The following TSPAN18 variants were observed in gnomAD, a reference collection of about 807,000 sequenced individuals.
TSPAN18 encodes the protein tetraspanin-18.
A neutral mutation model predicts 27.3 loss-of-function variants in TSPAN18; 14 were observed. That is an observed-to-expected ratio of 0.51 (90% CI 0.34 to 0.80). The LOEUF is 0.80. Among genes scored for constraint, TSPAN18 ranks in the 30% least tolerant of loss-of-function variants. The pLI is 0.01. For synonymous variants in TSPAN18, 143 were observed against 136.5 expected, an observed-to-expected ratio of 1.05 and a Z score of -0.33; for missense variants, 268 against 323.9, an observed-to-expected ratio of 0.83 and a Z score of 1.32.
chr11:44,756,606 T>A (rs1855339026), intron 1 of TSPAN18, among the ~76,000 whole-genome samples: 1 of 152,250 alleles, frequency 6.6e-6, no homozygotes, highest in African/African-American at 2.4e-5. Context: ...ACCTCCATTC[T>A]ATTTCTGGTC....
At chr11:44,870,163 A>G (rs1858154029) in intron 3 of TSPAN18, among the ~76,000 whole-genome samples, 1 of 152,244 alleles carries the variant, frequency 6.6e-6, no homozygotes, top group African/African-American at 2.4e-5. Flanking sequence ...GTAAATTTAC[A>G]AAGTTTTGCA....
In TSPAN18 at chr11:44,831,585, C is replaced by T. The variant is rs563456415; in HGVS notation, c.-152-28743C>T. Among the ~76,000 whole-genome samples, 14 of 152,320 alleles carry T rather than the reference C, an allele frequency of 9.2e-5. No homozygotes were observed. The East Asian group carries it at 2.5e-3, about 27-fold the overall frequency. On this transcript the variant is annotated intron_variant, in intron 2 of 9. Transcript: ENST00000520358. ...CCACTCCTAGGTCCTACTGGAGAAG[C>T]TTGGGTTATCAGAGCATTTGGATCA... is the stretch of plus-strand genomic sequence containing the variant.
chr11:44,784,345 C>T (rs1025006100), intron 2 of TSPAN18, among the ~76,000 whole-genome samples: 1 of 152,164 alleles, frequency 6.6e-6, no homozygotes, highest in Non-Finnish European at 1.5e-5. Flanking sequence ...TACAGGCAGG[C>T]TCTCAGCCCT....
intron 3 of TSPAN18, among the ~76,000 whole-genome samples, chr11:44,871,268 G>C (rs76703612): frequency 3.3e-5 from 5 of 152,106 alleles, no homozygotes; most frequent in African/African-American, 4.8e-5. Flanking sequence ...GTGCTAGCAT[G>C]GTAGGGTTCC....
intron 2 of TSPAN18, among the ~76,000 whole-genome samples, chr11:44,769,407 C>T (rs548336587): frequency 3.2e-4 from 49 of 152,274 alleles, no homozygotes; most frequent in Middle Eastern, 3.4e-3. Context: ...ATGATGGCCT[C>T]ACAGAATGAG....
chr11:44,882,587 GACACACACACAC>G lies in TSPAN18; in HGVS notation c.-11+22148_-11+22159del, dbSNP rs748475836. ...TCACCAGGAAATGGTCAGAGAGAGA[GACACACACACAC>G]ACACACACACACACACACACACACA... is the stretch of plus-strand genomic sequence containing the variant. On this transcript the variant is annotated intron_variant, in intron 3 of 9. Transcript: ENST00000520358. Among the ~76,000 whole-genome samples, 445 of 130,862 alleles carry G rather than the reference GACACACACACAC, an allele frequency of 3.4e-3. 3 individuals carry two copies. The highest frequency in any genetic ancestry group is 0.012 in the African/African-American group (417 of 33,540). The allele number at this position is 130,862 out of a possible 152,430, so 85.9% of individuals were successfully genotyped here. A position where few individuals can be genotyped will look rare whatever the true frequency, so the allele number is the denominator to read the frequency against.
intron 2 of TSPAN18, among the ~76,000 whole-genome samples, chr11:44,822,477 G>C (rs1856947216): frequency 6.6e-6 from 1 of 151,938 alleles, no homozygotes; most frequent in African/African-American, 2.4e-5. Flanking sequence ...AAGAAGGAAG[G>C]AGTAAAGAGG....
chr11:44,886,018 G>C lies in TSPAN18; in HGVS notation c.-10-20389G>C, dbSNP rs150296116. The C allele has an allele frequency of 3.3e-5, 5 of 152,602 alleles. No homozygotes were observed. The East Asian group carries it at 7.7e-4, about 24-fold the overall frequency. The allele number at this position is 152,602 out of a possible 1,614,324, so 9.5% of individuals were successfully genotyped here. A position where few individuals can be genotyped will look rare whatever the true frequency, so the allele number is the denominator to read the frequency against. ...TGATGACAGTTCCTGGGCCCTGGGG[G>C]TTGGGGGAAGCCTGCCTTGGAGCTG... On this transcript the variant is annotated intron_variant, in intron 3 of 9. Coordinates refer to ENST00000520358, the MANE Select transcript of TSPAN18 (RefSeq NM_130783.5).
intron 8 of TSPAN18, among the ~76,000 whole-genome samples, chr11:44,924,758 G>C (rs1437914961): frequency 6.7e-6 from 1 of 149,938 alleles, no homozygotes; most frequent in Non-Finnish European, 1.5e-5. Flanking sequence ...ACATGGGAGG[G>C]GGGAGGGATA....
At chr11:44,793,178 A>G (rs1287589538) in intron 2 of TSPAN18, among the ~76,000 whole-genome samples, 1 of 152,206 alleles carries the variant, frequency 6.6e-6, no homozygotes, top group African/African-American at 2.4e-5. Context: ...AGCTGGGCTG[A>G]CAGGCGTGTG....
At chr11:44,784,654 A>G (rs935820941) in intron 2 of TSPAN18, among the ~76,000 whole-genome samples, 1 of 151,986 alleles carries the variant, frequency 6.6e-6, no homozygotes, top group African/African-American at 2.4e-5. Context: ...TGCCACCCCC[A>G]CCTTGTTCTC....
chr11:44,738,502 C>T (rs898561994), intron 1 of TSPAN18, among the ~76,000 whole-genome samples: 8 of 152,172 alleles, frequency 5.3e-5, no homozygotes, highest in South Asian at 2.1e-4. Flanking sequence ...GTGAGGATTA[C>T]ATAAATTAAT....
intron 3 of TSPAN18, among the ~76,000 whole-genome samples, chr11:44,877,191 A>G (rs1378830588): frequency 6.6e-6 from 1 of 152,242 alleles, no homozygotes; most frequent in African/African-American, 2.4e-5. Context: ...TAATGGCTTC[A>G]CTGTGGTTTC....
chr11:44,744,812 A>AG, intron 1 of TSPAN18, among the ~76,000 whole-genome samples: 1 of 152,190 alleles, frequency 6.6e-6, no homozygotes, highest in South Asian at 2.1e-4. Flanking sequence ...TCCAAAGAGC[A>AG]GGGGTAGCAT....
intron 1 of TSPAN18, among the ~76,000 whole-genome samples, chr11:44,736,993 G>T (rs1286845018): frequency 6.6e-6 from 1 of 152,200 alleles, no homozygotes; most frequent in Non-Finnish European, 1.5e-5. Flanking sequence ...TTTCTGTTTG[G>T]TTTTCCATGG....
intron 3 of TSPAN18, among the ~76,000 whole-genome samples, chr11:44,892,427 C>T (rs2135286019): frequency 6.6e-6 from 1 of 152,368 alleles, no homozygotes; most frequent in East Asian, 1.9e-4. Flanking sequence ...GCCAAACACT[C>T]TTCCTAATGG....
At chr11:44,739,488 G>A (rs1854878734) in intron 1 of TSPAN18, among the ~76,000 whole-genome samples, 1 of 152,128 alleles carries the variant, frequency 6.6e-6, no homozygotes, top group Admixed American at 6.5e-5. Context: ...GCCGAGTGTG[G>A]TGGCGGGTGC....
chr11:44,861,152 C>A (rs1481358370), intron 3 of TSPAN18, among the ~76,000 whole-genome samples: 3 of 152,038 alleles, frequency 2.0e-5, no homozygotes, highest in Non-Finnish European at 4.4e-5. Flanking sequence ...TCCTCGGTAG[C>A]CACTCTCCAT....
chr11:44,822,508 C>A (rs1336395861), intron 2 of TSPAN18, among the ~76,000 whole-genome samples: 7 of 151,920 alleles, frequency 4.6e-5, no homozygotes, highest in Admixed American at 1.3e-4. Flanking sequence ...TTTCTCATCA[C>A]ATTCTCACCA....
Sources: allele counts gnomAD v4.1 joint callset (sites outside exome capture counted in the v4.1 genomes callset), GRCh38; gene constraint gnomAD v4.1.1; transcripts MANE v1.5; gene names NCBI Gene and HGNC (gene_info 2026-07-23, HGNC 2026-07-21).